CIT: variants seen among roughly 807,000 people sequenced by gnomAD.
The protein encoded by CIT is citron Rho-interacting kinase.
A neutral mutation model predicts 272.7 loss-of-function variants in CIT; 79 were observed. The ratio of observed to expected loss-of-function variants is 0.29; its 90% CI spans 0.24 to 0.35. The LOEUF (loss-of-function observed/expected upper bound fraction) is 0.35, where lower values mean the gene tolerates loss of function less well. Among genes scored for constraint, CIT ranks in the 10% least tolerant of loss-of-function variants. The pLI, the probability that CIT is intolerant of heterozygous loss-of-function variation, is 1.00. For missense variants in CIT, 1,909 were observed against 2,618.3 expected (o/e 0.73, Z 5.91); for synonymous variants, 948 against 995.6 (o/e 0.95, Z 0.90).
At chr12:119,711,132 C>A (rs1243362847) in intron 37 of CIT, 1 of 1,363,250 alleles carries the variant, frequency 7.3e-7, no homozygotes, top group Admixed American at 1.9e-5. Context: ...AGTAAAAGCT[C>A]ACGTGTGAAA....
intron 16 of CIT, 151 bp from the exon 17 acceptor site, chr12:119,773,061 C>G (rs1963352628): frequency 1.4e-6 from 1 of 694,918 alleles, no homozygotes; most frequent in African/African-American, 1.9e-5. Flanking sequence ...ATTTAAAAAG[C>G]AGGTAATACT....
chr12:119,823,059 T>A (rs942331404), intron 8 of CIT, 86 bp from the exon 9 acceptor site: 1 of 1,380,282 alleles, frequency 7.2e-7, no homozygotes, highest in South Asian at 1.4e-5. Context: ...TTCTCATATA[T>A]GCAAGTTTCT....
At chr12:119,760,119 G>A (rs550968072) in intron 20 of CIT, among the ~76,000 whole-genome samples, 32 of 151,338 alleles carry the variant, frequency 2.1e-4, no homozygotes, top group African/African-American at 6.3e-4. Flanking sequence ...CCTGGGAGGC[G>A]GAGGTTGCAG....
At chr12:119,748,245 T>A (rs990654284) in intron 23 of CIT, among the ~76,000 whole-genome samples, 3 of 151,646 alleles carry the variant, frequency 2.0e-5, no homozygotes, top group African/African-American at 4.8e-5. Context: ...AACCTAGGAG[T>A]TGGGTGGCAA....
intron 4 of CIT, among the ~76,000 whole-genome samples, chr12:119,854,174 G>GCAC (rs1970419698): frequency 2.0e-5 from 3 of 151,978 alleles, no homozygotes; most frequent in Admixed American, 2.0e-4. Flanking sequence ...TTACAGGCAT[G>GCAC]CACCACCACA....
At chr12:119,775,987 C>T (rs1963709581) in intron 15 of CIT, 148 bp from the exon 16 acceptor site, 1 of 634,272 alleles carries the variant, frequency 1.6e-6, no homozygotes. Context: ...AGAACAGTGG[C>T]CTCTCAGGGA....
intron 10 of CIT, among the ~76,000 whole-genome samples, chr12:119,797,123 C>T (rs1248253095): frequency 6.6e-6 from 1 of 152,218 alleles, no homozygotes; most frequent in African/African-American, 2.4e-5. Flanking sequence ...TGGCGCAGAG[C>T]TTGGGAACAT....
At chr12:119,876,483 T>C (rs1333340738) in intron 1 of CIT, among the ~76,000 whole-genome samples, 4 of 152,222 alleles carry the variant, frequency 2.6e-5, no homozygotes, top group Non-Finnish European at 5.9e-5. Flanking sequence ...ACACATAGCC[T>C]GGCACACAAA....
At chr12:119,794,477 GAC>G (rs367826656) in intron 10 of CIT, among the ~76,000 whole-genome samples, 37 of 152,312 alleles carry the variant, frequency 2.4e-4, no homozygotes, top group Admixed American at 1.4e-3. Flanking sequence ...ATGGCACAAT[GAC>G]ACACAGACTT....
chr12:119,779,394 A>C (rs1472071910), intron 13 of CIT, among the ~76,000 whole-genome samples: 3 of 152,184 alleles, frequency 2.0e-5, no homozygotes, highest in African/African-American at 7.2e-5. Flanking sequence ...TACATTTTAC[A>C]GTTGTGCTCC....
At position 119,743,921 on chromosome 12, in the gene CIT, C is replaced by T. The variant is rs187505314; in HGVS notation, c.2905-1457G>A. On this transcript the variant is annotated intron_variant, in intron 23 of 47. Transcript: ENST00000392521. The stretch of plus-strand genomic sequence containing the variant: ...AGGGACCAAGGCAGAGACCAAGAAT[C>T]TTGAAGGTCCAGTAAAGAATTTAGG... Among the ~76,000 whole-genome samples, 189 of 152,240 alleles carry T rather than the reference C, an allele frequency of 1.2e-3. 1 individual carries two copies. The highest frequency in any genetic ancestry group is 2.0e-3 in the Non-Finnish European group (137 of 68,022).
chr12:119,866,859 A>G (rs1188712687), intron 3 of CIT, among the ~76,000 whole-genome samples: 1 of 152,248 alleles, frequency 6.6e-6, no homozygotes, highest in Non-Finnish European at 1.5e-5. Flanking sequence ...ATGTGAAAGC[A>G]GCCATAGGCA....
Position 119,831,864 on chromosome 12 carries a change from C to T in CIT, c.753+907G>A, listed in dbSNP as rs12304182. ...CAGCCTGGGGGACAGAGCGAGACTC[C>T]GTCTCAAAAAAAAAGAAAAAAGAAA... On this transcript the variant is annotated intron_variant, in intron 7 of 47. Transcript: ENST00000392521. Among the ~76,000 whole-genome samples the T allele has an allele frequency of 4.2e-3, 632 of 151,350 alleles. 4 individuals are homozygous for T. The highest frequency in any genetic ancestry group is 0.014 in the African/African-American group (569 of 41,214).
intron 22 of CIT, among the ~76,000 whole-genome samples, chr12:119,753,109 T>C (rs1018641840): frequency 1.3e-5 from 2 of 151,792 alleles, no homozygotes; most frequent in South Asian, 2.1e-4. Context: ...GACACATCTA[T>C]TGACCTGACA....
At chr12:119,781,662 T>C (rs1470106958) in intron 13 of CIT, among the ~76,000 whole-genome samples, 6 of 124,428 alleles carry the variant, frequency 4.8e-5, no homozygotes, top group Admixed American at 9.3e-5. Context: ...GAAAACCCGT[T>C]TAGAAAGAAA....
At chr12:119,688,604 C>A (rs138914378) in intron 47 of CIT, among the ~76,000 whole-genome samples, 101 of 152,342 alleles carry the variant, frequency 6.6e-4, no homozygotes, top group African/African-American at 2.4e-3. Flanking sequence ...AAGGAGAATG[C>A]CACCCAGAAA....
chr12:119,811,760 A>G (rs1316484691), intron 9 of CIT, among the ~76,000 whole-genome samples: 1 of 152,178 alleles, frequency 6.6e-6, no homozygotes, highest in Non-Finnish European at 1.5e-5. Context: ...TTAACATTTT[A>G]GCTTTACTTT....
chr12:119,747,715 T>C (rs867810880), intron 23 of CIT, among the ~76,000 whole-genome samples: 1 of 151,998 alleles, frequency 6.6e-6, no homozygotes, highest in Non-Finnish European at 1.5e-5. Context: ...TGAGACTCCG[T>C]CTCAAAAAAA....
rs1311095010 is a variant in CIT, at chr12:119,694,899, T to C, written c.5882+2760A>G. On this transcript the variant is annotated intron_variant, in intron 46 of 47. Coordinates refer to ENST00000392521, the MANE Select transcript of CIT (RefSeq NM_001206999.2). The surrounding 1 kb of genome is among the most constrained non-coding windows in gnomAD (Gnocchi z 4.5). ...AGACTAAGGACCTCTCACAACCTGTTTCTCCATAAAAGCAACAAGATCACT... is the reference window on the plus strand; with the variant it reads ...AGACTAAGGACCTCTCACAACCTGTCTCTCCATAAAAGCAACAAGATCACT... Among the ~76,000 whole-genome samples, 1 of 152,142 alleles carries C rather than the reference T, an allele frequency of 6.6e-6. No homozygotes were observed. The highest frequency in any genetic ancestry group is 1.9e-4 in the East Asian group (1 of 5,188).
Sources: allele counts gnomAD v4.1 joint callset (sites outside exome capture counted in the v4.1 genomes callset), GRCh38; gene constraint gnomAD v4.1.1; non-coding constraint Gnocchi (gnomAD v3.1); transcripts MANE v1.5; gene names NCBI Gene and HGNC (gene_info 2026-07-23, HGNC 2026-07-21).